The following ITPR1 variants were observed in gnomAD, a reference collection of about 807,000 sequenced individuals.
ITPR1 encodes the protein inositol 1,4,5-trisphosphate-gated calcium channel ITPR1.
A neutral mutation model predicts 318.4 loss-of-function variants in ITPR1; 96 were observed. That is an observed-to-expected ratio of 0.30 (90% CI 0.26 to 0.36). The LOEUF (loss-of-function observed/expected upper bound fraction) is 0.36, where lower values mean the gene tolerates loss of function less well. ITPR1 is among the 10% of genes least tolerant of loss of function. The pLI, the probability that ITPR1 is intolerant of heterozygous loss-of-function variation, is 1.00. For missense variants in ITPR1, 2,440 were observed against 3,460.2 expected (o/e 0.71, Z 7.40); for synonymous variants, 1,312 against 1,289.9 (o/e 1.02, Z -0.37).
chr3:4,787,932 A>G lies in ITPR1; in HGVS notation c.6616-15A>G, dbSNP rs1355235544. On this transcript the variant is annotated splice_polypyrimidine_tract_variant and intron_variant, in intron 51 of 61. Transcript: ENST00000649015. ...CAAAGATGAATATTTAATCTCATCC[A>G]CTTTTTCATCCTAGATTGTCAGATT... 1 of 1,589,114 alleles carries G rather than the reference A, an allele frequency of 6.3e-7. No homozygotes were observed. Among genetic ancestry groups the G allele is most frequent in the Non-Finnish European group, 8.6e-7 (1 of 1,163,126 alleles).
At chr3:4,675,885 C>T (rs966547827) in intron 23 of ITPR1, among the ~76,000 whole-genome samples, 6 of 151,970 alleles carry the variant, frequency 3.9e-5, no homozygotes, top group Admixed American at 6.6e-5. Context: ...TTGCATTATA[C>T]CATTTAGTTC....
At chr3:4,741,900 C>T (rs1159906883) in intron 44 of ITPR1, among the ~76,000 whole-genome samples, 1 of 152,136 alleles carries the variant, frequency 6.6e-6, no homozygotes, top group Non-Finnish European at 1.5e-5. Context: ...AGGTTTTATC[C>T]ATGTGGGAAA....
chr3:4,715,382 T>A (rs758602552), intron 39 of ITPR1, among the ~76,000 whole-genome samples: 4 of 152,246 alleles, frequency 2.6e-5, no homozygotes, highest in Non-Finnish European at 5.9e-5. Flanking sequence ...TTGCTGATTT[T>A]TCACACAGTT....
chr3:4,505,745 G>C (rs1575337870), intron 2 of ITPR1, among the ~76,000 whole-genome samples: 1 of 152,194 alleles, frequency 6.6e-6, no homozygotes, highest in African/African-American at 2.4e-5. Context: ...GGTGCTGTGT[G>C]AGTGAGATGC....
intron 17 of ITPR1, among the ~76,000 whole-genome samples, 163 bp downstream of exon 17, chr3:4,665,459 A>C (rs1324018598): frequency 6.6e-6 from 1 of 152,232 alleles, no homozygotes; most frequent in African/African-American, 2.4e-5. Flanking sequence ...CAGGAAGAAT[A>C]TTATTACCTA....
At chr3:4,560,101 C>T (rs926357193) in intron 4 of ITPR1, among the ~76,000 whole-genome samples, 1 of 152,136 alleles carries the variant, frequency 6.6e-6, no homozygotes, top group Admixed American at 6.5e-5. Flanking sequence ...AAATGGTTTC[C>T]TATTTGAAAA....
intron 4 of ITPR1, among the ~76,000 whole-genome samples, chr3:4,592,730 A>G (rs1434469402): frequency 1.3e-5 from 2 of 152,146 alleles, no homozygotes; most frequent in African/African-American, 4.8e-5. Context: ...GTGTTAGTGG[A>G]AGGTGAATGT....
At position 4,516,554 on chromosome 3, in the gene ITPR1, A is replaced by C. The variant is rs1248713182; in HGVS notation, c.63A>C (p.Gly21=). 1.1e-5 allele frequency: 18 copies of C among 1,605,092 alleles called. No homozygotes were observed. The highest frequency in any genetic ancestry group is 1.5e-5 in the Non-Finnish European group (18 of 1,175,976). ...IGDICSLYAE[G]STNGFISTLG... ...ACATTTGTTCTCTGTACGCGGAGGG[A>C]TCGACAAATGGATTTATTAGCACCT... Residue 21 remains glycine, a synonymous_variant, in exon 3 of 62, where the codon GGA becomes GGC. Transcript: ENST00000649015.
At chr3:4,652,254 C>A (rs1487767378) in intron 11 of ITPR1, 36 bp downstream of exon 11, 12 of 1,408,960 alleles carry the variant, frequency 8.5e-6, no homozygotes, top group Non-Finnish European at 1.2e-5. Flanking sequence ...TCTTTCAAGG[C>A]TGACGCACCT....
intron 4 of ITPR1, among the ~76,000 whole-genome samples, chr3:4,571,889 C>G (rs908093037): frequency 5.3e-5 from 8 of 152,160 alleles, no homozygotes; most frequent in African/African-American, 1.9e-4. Context: ...CTGCCCCACT[C>G]CCTACTCTTA....
At position 4,733,112 on chromosome 3, in the gene ITPR1, G is replaced by T. The variant is rs773768878; in HGVS notation, c.5245G>T (p.Val1749Phe). The change falls in exon 43 of 62, where the codon GTC becomes TTC. Residue 1749 changes from valine (V) to phenylalanine (F), a missense_variant. This residue lies in a region of ITPR1 where 166 missense variants were observed against 143.7 expected (regional missense o/e 1.16). Transcript: ENST00000649015. ...GGGTGAGGCGCTCAGGCAAGTTCTGGTCAACCGTTACTATGGAAACGTCAG... is the reference window on the plus strand; with the variant it reads ...GGGTGAGGCGCTCAGGCAAGTTCTGTTCAACCGTTACTATGGAAACGTCAG... ...KRGEALRQVL[V>F]NRYYGNVRPS... The T allele has an allele frequency of 1.2e-6, 2 of 1,613,516 alleles. No individual in the cohort carries two copies. Among genetic ancestry groups the T allele is most frequent in the Non-Finnish European group, 1.7e-6 (2 of 1,179,712 alleles).
chr3:4,716,057 T>C (rs916775437), intron 39 of ITPR1, among the ~76,000 whole-genome samples: 11 of 152,254 alleles, frequency 7.2e-5, no homozygotes, highest in African/African-American at 2.7e-4. Context: ...AAAATAATGA[T>C]GAAATACATT....
intron 40 of ITPR1, 73 bp from the exon 41 acceptor site, chr3:4,725,473 G>C: frequency 8.1e-7 from 1 of 1,238,042 alleles, no homozygotes. Flanking sequence ...CTTGAGTGTT[G>C]GTCTCTGGAC....
rs539817627 is a variant in ITPR1, at chr3:4,589,849, C to A, written c.164-37914C>A. On this transcript the variant is annotated intron_variant, in intron 4 of 61. Transcript: ENST00000649015. The stretch of plus-strand genomic sequence containing the variant: ...AATTGGATCAGAATCTCTGGGTATG[C>A]GGCCAGGATTGAGAACAGCTGTATG... Among the ~76,000 whole-genome samples, 139 of 152,254 alleles carry A rather than the reference C, an allele frequency of 9.1e-4. 1 individual carries two copies. Among genetic ancestry groups the A allele is most frequent in the Non-Finnish European group, 9.9e-4 (67 of 68,002 alleles).
chr3:4,814,675 T>C, intron 58 of ITPR1, 113 bp downstream of exon 58: 1 of 930,226 alleles, frequency 1.1e-6, no homozygotes, highest in South Asian at 1.7e-5. Context: ...GAGCTGGGAG[T>C]AGGGCTGAGT....
At chr3:4,712,807 C>G (rs553047927) in intron 39 of ITPR1, among the ~76,000 whole-genome samples, 7 of 152,178 alleles carry the variant, frequency 4.6e-5, no homozygotes, top group African/African-American at 1.7e-4. Flanking sequence ...GATAAGAAAA[C>G]AGAAAACGGA....
chr3:4,673,872 G>A (rs549525913), intron 21 of ITPR1, among the ~76,000 whole-genome samples: 5 of 152,274 alleles, frequency 3.3e-5, no homozygotes, highest in African/African-American at 9.6e-5. Context: ...GTGAGCCACC[G>A]CGCCTGGCCC....
At chr3:4,738,583 G>T (rs1310874492) in intron 44 of ITPR1, among the ~76,000 whole-genome samples, 1 of 152,196 alleles carries the variant, frequency 6.6e-6, no homozygotes, top group Admixed American at 6.5e-5. Context: ...GGCTGGTGGG[G>T]CTGAGGGCCG....
At chr3:4,616,156 G>T (rs1001642677) in intron 4 of ITPR1, among the ~76,000 whole-genome samples, 1 of 152,280 alleles carries the variant, frequency 6.6e-6, no homozygotes, top group East Asian at 1.9e-4. Context: ...TTTATGGAAG[G>T]CTTGCTGGAG....
Sources: allele counts gnomAD v4.1 joint callset (sites outside exome capture counted in the v4.1 genomes callset), GRCh38; gene constraint gnomAD v4.1.1; regional missense constraint gnomAD v4.1.1; transcripts MANE v1.5; gene names NCBI Gene and HGNC (gene_info 2026-07-23, HGNC 2026-07-21).